Variants in SHCBP1L observed in about 807,000 individuals in gnomAD.
SHCBP1L encodes the protein SHC binding and spindle associated 1 like.
Under a neutral mutation model 62.5 loss-of-function variants are expected in SHCBP1L, and 67 were observed. The observed-to-expected ratio is 1.07, with a 90% CI of 0.88 to 1.31. The LOEUF is 1.31. Ranked by LOEUF, SHCBP1L falls within the 40% of genes most tolerant of loss-of-function variation. The probability of loss-of-function intolerance (pLI) is 0.00; values close to 1 mark genes in which losing one functional copy is unlikely to be tolerated. For missense variants in SHCBP1L, 823 were observed against 809.8 expected, an observed-to-expected ratio of 1.02 and a Z score of -0.20; for synonymous variants, 284 against 289.4, an observed-to-expected ratio of 0.98 and a Z score of 0.19.
chr1:182,907,569 T>G (rs767833345), intron 6 of SHCBP1L, among the ~76,000 whole-genome samples: 3 of 150,884 alleles, frequency 2.0e-5, no homozygotes, highest in Non-Finnish European at 4.4e-5. Flanking sequence ...ATTCTTATTA[T>G]TATTATTATT....
At chr1:182,906,819 CTTTA>C (rs1457651469) in intron 6 of SHCBP1L, among the ~76,000 whole-genome samples, 1 of 151,514 alleles carries the variant, frequency 6.6e-6, no homozygotes, top group African/African-American at 2.4e-5. Flanking sequence ...GACTGGAGGG[CTTTA>C]TTTATTTATT....
intron 5 of SHCBP1L, among the ~76,000 whole-genome samples, chr1:182,930,697 GTGTGTGTA>G (rs1476097019): frequency 1.1e-4 from 8 of 70,948 alleles, no homozygotes; most frequent in East Asian, 7.1e-4. Context: ...GTGTGTGTGT[GTGTGTGTA>G]TATATATATA....
chr1:182,925,029 A>AGGAAGGGAC (rs2101937810), intron 6 of SHCBP1L, among the ~76,000 whole-genome samples: 1 of 124,092 alleles, frequency 8.1e-6, no homozygotes, highest in African/African-American at 3.6e-5. Flanking sequence ...GAGGAAGGGG[A>AGGAAGGGAC]GGAAGGGAAG....
rs1651313515 is a variant in SHCBP1L at position 182,940,291 on chromosome 1, A to G, written c.770+38T>C. 6.5e-6 allele frequency: 10 copies of G among 1,540,544 alleles called. No individual in the cohort carries two copies. In the East Asian group the frequency reaches 1.6e-4, roughly 24 times the overall value. Reference sequence around the variant, plus strand: ...AAAACCTTCACATTAACTTTTGGATATAATAAATTTAATTTTCAAAAGTAA... The same window carrying G: ...AAAACCTTCACATTAACTTTTGGATGTAATAAATTTAATTTTCAAAAGTAA... On this transcript the variant is annotated intron_variant, in intron 3 of 9. Coordinates refer to ENST00000367547, the MANE Select transcript of SHCBP1L (RefSeq NM_030933.4).
At chr1:182,949,570 G>C (rs1651680272) in intron 2 of SHCBP1L, among the ~76,000 whole-genome samples, 1 of 151,696 alleles carries the variant, frequency 6.6e-6, no homozygotes, top group Admixed American at 6.6e-5. Flanking sequence ...GGTGGTACAC[G>C]CCTGCAGTCA....
chr1:182,940,195 T>C (rs1651310656), intron 3 of SHCBP1L, 134 bp downstream of exon 3: 2 of 620,172 alleles, frequency 3.2e-6, no homozygotes, highest in Non-Finnish European at 5.2e-6. Flanking sequence ...TAATTTAAAA[T>C]GGACAAATTT....
chr1:182,930,551 GTATATATATATATATATA>G lies in SHCBP1L; in HGVS notation c.1077-817_1077-800del, dbSNP rs10536791. 9.0e-3 allele frequency among the ~76,000 whole-genome samples: 447 copies of G among 49,464 alleles called. 13 individuals are homozygous for G. The highest frequency in any genetic ancestry group is 0.014 in the African/African-American group (155 of 11,270). 32.5% of individuals were successfully genotyped at this position (49,464 alleles called of 152,430 possible). On this transcript the variant is annotated intron_variant, in intron 5 of 9. Coordinates refer to ENST00000367547, the MANE Select transcript of SHCBP1L (RefSeq NM_030933.4). Reference sequence around the variant, plus strand: ...AAGAGGATGTGGCTTTAGTGTGTGTGTATATATATATATATATATATATATATATATATATATATATAT... The same window carrying G: ...AAGAGGATGTGGCTTTAGTGTGTGTGTATATATATATATATATATATATAT...
intron 6 of SHCBP1L, among the ~76,000 whole-genome samples, chr1:182,909,220 T>C (rs1025611831): frequency 2.0e-5 from 3 of 152,082 alleles, no homozygotes; most frequent in African/African-American, 7.2e-5. Context: ...GCCAATAAAT[T>C]TGAAGTGCCA....
At chr1:182,922,132 G>A (rs1650546522) in intron 6 of SHCBP1L, among the ~76,000 whole-genome samples, 2 of 152,136 alleles carry the variant, frequency 1.3e-5, no homozygotes, top group Admixed American at 1.3e-4. Context: ...CAATGCTGGA[G>A]CACCCAGATT....
chr1:182,922,435 TC>T (rs1478684300), intron 6 of SHCBP1L, among the ~76,000 whole-genome samples: 3 of 151,798 alleles, frequency 2.0e-5, no homozygotes, highest in Non-Finnish European at 2.9e-5. Context: ...ATGCCTGTAA[TC>T]CTAGCTACTT....
At chr1:182,952,676 C>A in intron 1 of SHCBP1L, 53 bp downstream of exon 1, 1 of 1,537,800 alleles carries the variant, frequency 6.5e-7, no homozygotes, top group African/African-American at 1.4e-5. Flanking sequence ...GATGCCTGTC[C>A]CCAGGTTCCG....
At chr1:182,920,037 C>T (rs1022607242) in intron 6 of SHCBP1L, among the ~76,000 whole-genome samples, 2 of 152,310 alleles carry the variant, frequency 1.3e-5, no homozygotes, top group African/African-American at 4.8e-5. Flanking sequence ...ACACCACAGT[C>T]CCACCCTCGC....
At chr1:182,925,000 G>A (rs1190376096) in intron 6 of SHCBP1L, among the ~76,000 whole-genome samples, 1 of 131,678 alleles carries the variant, frequency 7.6e-6, no homozygotes, top group Non-Finnish European at 1.5e-5. Flanking sequence ...AGGAAAGGAA[G>A]GAAGAAAGGA....
intron 5 of SHCBP1L, among the ~76,000 whole-genome samples, chr1:182,936,199 G>A (rs916439499): frequency 7.9e-6 from 1 of 127,078 alleles, no homozygotes; most frequent in African/African-American, 2.9e-5. Context: ...GCAGTGGCAT[G>A]ATCTCAGCTT....
At chr1:182,907,901 C>A (rs113456382) in intron 6 of SHCBP1L, among the ~76,000 whole-genome samples, 192 of 152,198 alleles carry the variant, frequency 1.3e-3, no homozygotes, top group African/African-American at 4.5e-3. Flanking sequence ...AAAAGTGATA[C>A]TTGTTATAAA....
intron 2 of SHCBP1L, chr1:182,942,224 C>G (rs1194045175): frequency 7.4e-7 from 1 of 1,357,054 alleles, no homozygotes; most frequent in African/African-American, 1.4e-5. Flanking sequence ...GGCCTGTTTT[C>G]CCTTTGCTCC....
intron 6 of SHCBP1L, among the ~76,000 whole-genome samples, chr1:182,906,811 C>T (rs186032708): frequency 5.3e-4 from 80 of 152,062 alleles, no homozygotes; most frequent in Admixed American, 5.2e-3. Context: ...GTCGTAAAGA[C>T]TGGAGGGCTT....
At chr1:182,916,248 T>C (rs563428155) in intron 6 of SHCBP1L, among the ~76,000 whole-genome samples, 1 of 152,288 alleles carries the variant, frequency 6.6e-6, no homozygotes, top group South Asian at 2.1e-4. Context: ...GAGAAATTTA[T>C]AGCAGTAAAT....
rs186768855 is a variant in SHCBP1L, at chr1:182,910,881, A to G, written c.1183-5232T>C. ...TTTGTTTTTTTCTAGTTATTTATCT[A>G]TTTTTTTGTTGTTGTGGTTTTTTTT... On this transcript the variant is annotated intron_variant, in intron 6 of 9. Transcript: ENST00000367547. Among the ~76,000 whole-genome samples, 624 of 151,732 alleles carry G rather than the reference A, an allele frequency of 4.1e-3. 4 individuals are homozygous for G. Among genetic ancestry groups the G allele is most frequent in the Non-Finnish European group, 7.3e-3 (499 of 67,896 alleles).
Sources: gnomAD v4.1 joint callset for allele counts (sites outside exome capture counted in the v4.1 genomes callset) on GRCh38, gnomAD v4.1.1 for gene constraint, MANE v1.5 for transcripts, NCBI Gene and HGNC (gene_info 2026-07-23, HGNC 2026-07-21) for gene names.